The following WARS2 variants were observed in gnomAD, a reference collection of about 807,000 sequenced individuals.
WARS2 encodes tryptophan--tRNA ligase, mitochondrial.
WARS2 carries 28 observed loss-of-function variants against 36.5 expected under a neutral mutation model. The observed-to-expected ratio is 0.77, with a 90% CI of 0.57 to 1.05. The LOEUF (loss-of-function observed/expected upper bound fraction) is 1.05. Ranked by LOEUF, WARS2 falls within the 50% of genes least tolerant of loss-of-function variation. The pLI is 0.00. For synonymous variants in WARS2, 174 were observed against 178.4 expected (o/e 0.98, Z 0.20); for missense variants, 435 against 456.8 (o/e 0.95, Z 0.44).
chr1:119,034,616 G>A (rs1647715334), intron 4 of WARS2, among the ~76,000 whole-genome samples: 1 of 152,100 alleles, frequency 6.6e-6, no homozygotes. Context: ...GCTCATACTT[G>A]AAAGACACCC....
chr1:119,126,912 C>T (rs1571398277), intron 1 of WARS2: 4 of 789,604 alleles, frequency 5.1e-6, no homozygotes, highest in Non-Finnish European at 6.6e-6. Context: ...TTTAGTAAAA[C>T]CAACACAGAA....
chr1:119,085,140 A>C, intron 1 of WARS2: 3 of 786,752 alleles, frequency 3.8e-6, no homozygotes, highest in Non-Finnish European at 7.0e-6. Context: ...CGGGCTAGAA[A>C]GTGTGCCTGA....
At chr1:119,053,463 T>A (rs1317827413) in intron 2 of WARS2, among the ~76,000 whole-genome samples, 1 of 152,158 alleles carries the variant, frequency 6.6e-6, no homozygotes, top group African/African-American at 2.4e-5. Context: ...TTAGCTACCA[T>A]GACAAAAAAT....
At chr1:119,067,043 A>C (rs1650938856) in intron 2 of WARS2, among the ~76,000 whole-genome samples, 1 of 152,192 alleles carries the variant, frequency 6.6e-6, no homozygotes, top group South Asian at 2.1e-4. Context: ...CAGACAATGG[A>C]ACACTGTACT....
At chr1:119,126,840 C>T (rs763193409) in intron 1 of WARS2, 4 of 760,608 alleles carry the variant, frequency 5.3e-6, no homozygotes, top group Non-Finnish European at 9.5e-6. Context: ...CATCTTCTTC[C>T]AGATTTGGAG....
At chr1:119,117,562 T>C (rs899746768) in intron 1 of WARS2, among the ~76,000 whole-genome samples, 1 of 152,208 alleles carries the variant, frequency 6.6e-6, no homozygotes, top group African/African-American at 2.4e-5. Context: ...CAACAGCTAA[T>C]TCCACCCTGG....
At chr1:119,085,894 C>G in intron 1 of WARS2, 1 of 1,610,626 alleles carries the variant, frequency 6.2e-7, no homozygotes. Flanking sequence ...TCGGCCACCC[C>G]AAGCTGGACC....
At chr1:119,034,496 T>C (rs966185135) in intron 4 of WARS2, among the ~76,000 whole-genome samples, 3 of 152,164 alleles carry the variant, frequency 2.0e-5, no homozygotes, top group Admixed American at 1.3e-4. Context: ...GGATTTTAAA[T>C]AGCATATGCT....
At chr1:119,107,012 T>C (rs1451026542) in intron 1 of WARS2, among the ~76,000 whole-genome samples, 1 of 152,154 alleles carries the variant, frequency 6.6e-6, no homozygotes, top group Non-Finnish European at 1.5e-5. Flanking sequence ...CTGTTAGGTG[T>C]GTAGTCATAT....
chr1:119,036,812 A>G (rs539687065), intron 4 of WARS2, among the ~76,000 whole-genome samples: 1 of 152,326 alleles, frequency 6.6e-6, no homozygotes, highest in South Asian at 2.1e-4. Context: ...AAGGATTTAA[A>G]AAATTTTAAT....
chr1:119,106,012 C>A (rs966211894), intron 1 of WARS2, among the ~76,000 whole-genome samples: 2 of 152,010 alleles, frequency 1.3e-5, no homozygotes, highest in Admixed American at 6.5e-5. Flanking sequence ...TTGGATTTGG[C>A]ACTGTGAAGG....
At chr1:119,126,686 T>C in intron 1 of WARS2, 1 of 726,446 alleles carries the variant, frequency 1.4e-6, no homozygotes, top group Non-Finnish European at 2.5e-6. Flanking sequence ...TCCTCAGCAT[T>C]TTTACTTTTC....
rs587774486 is a variant in WARS2, at chr1:119,135,608, A to AT, written c.90+4946dup. On this transcript the variant is annotated intron_variant, in intron 1 of 5. Transcript: ENST00000235521. ...CAAATTGTTGTATGAAGTAAATAAG[A>AT]TAAAGTATGTAAAACACATACCATG... Among the ~76,000 whole-genome samples the AT allele has an allele frequency of 2.2e-3, 341 of 152,224 alleles. 1 individual carries two copies. The highest frequency in any genetic ancestry group is 7.8e-3 in the African/African-American group (324 of 41,454).
chr1:119,062,639 T>C (rs185438065), intron 2 of WARS2, among the ~76,000 whole-genome samples: 58 of 152,294 alleles, frequency 3.8e-4, no homozygotes, highest in Non-Finnish European at 7.3e-4. Context: ...AGGGAGGTAA[T>C]TGAGTCATGG....
At chr1:119,100,060 G>A (rs1653748743) in intron 1 of WARS2, among the ~76,000 whole-genome samples, 1 of 152,072 alleles carries the variant, frequency 6.6e-6, no homozygotes, top group African/African-American at 2.4e-5. Context: ...TCTGACAGGG[G>A]ACTAATACCC....
At chr1:119,094,888 A>G (rs917162053) in intron 1 of WARS2, among the ~76,000 whole-genome samples, 4 of 152,180 alleles carry the variant, frequency 2.6e-5, no homozygotes, top group East Asian at 3.9e-4. Flanking sequence ...TAGGAAAAAA[A>G]AAGAGAGAAA....
At position 119,135,747 on chromosome 1, in the gene WARS2, T is replaced by TAGATAGATAGAG. The variant is rs1553183286; in HGVS notation, c.90+4807_90+4808insCTCTATCTATCT. 8.9e-3 allele frequency among the ~76,000 whole-genome samples: 1,028 copies of TAGATAGATAGAG among 115,856 alleles called. 4 individuals carry two copies. Among genetic ancestry groups the TAGATAGATAGAG allele is most frequent in the East Asian group, 0.019 (33 of 1,742 alleles). 76.0% of individuals were successfully genotyped at this position (115,856 alleles called of 152,430 possible). ...ATAGATAGATAGATAGATAGATAGA[T>TAGATAGATAGAG]AGATAGAGAGATAGAGAGAGAGAGA... On this transcript the variant is annotated intron_variant, in intron 1 of 5. Transcript: ENST00000235521.
chr1:119,123,485 T>A (rs1192921474), intron 1 of WARS2, among the ~76,000 whole-genome samples: 1 of 152,204 alleles, frequency 6.6e-6, no homozygotes, highest in Non-Finnish European at 1.5e-5. Context: ...ACTATGTTAA[T>A]CAGTGAAGAA....
intron 1 of WARS2, among the ~76,000 whole-genome samples, chr1:119,109,354 G>A (rs587685966): frequency 2.6e-5 from 4 of 151,844 alleles, no homozygotes; most frequent in African/African-American, 9.6e-5. Flanking sequence ...TTTTTGCCTC[G>A]TGTATTTTTA....
Sources: allele counts gnomAD v4.1 joint callset (sites outside exome capture counted in the v4.1 genomes callset), GRCh38; gene constraint gnomAD v4.1.1; transcripts MANE v1.5; gene names NCBI Gene and HGNC (gene_info 2026-07-23, HGNC 2026-07-21).